SPRYD4: variants seen among roughly 807,000 people sequenced by gnomAD.
SPRYD4 encodes SPRY domain-containing protein 4.
SPRYD4 carries 12 observed loss-of-function variants against 16.6 expected under a neutral mutation model. That is an observed-to-expected ratio of 0.72 (90% CI 0.46 to 1.17). The LOEUF (loss-of-function observed/expected upper bound fraction) is 1.17, where lower values mean the gene tolerates loss of function less well. SPRYD4 is among the 50% of genes most tolerant of loss of function. The pLI is 0.00. For missense variants in SPRYD4, 260 were observed against 260.2 expected, an observed-to-expected ratio of 1.00 and a Z score of 0.00; for synonymous variants, 98 against 105.4, an observed-to-expected ratio of 0.93 and a Z score of 0.43.
chr12:56,479,040 C>T lies in SPRYD4; in HGVS notation c.*9463C>T. ...AGGTCCCTGACCCCTCCCTTAGTCCCCTGACTCTCACTTTGCCTCCAGTGA... is the reference window on the plus strand; with the variant it reads ...AGGTCCCTGACCCCTCCCTTAGTCCTCTGACTCTCACTTTGCCTCCAGTGA... On this transcript the variant is annotated 3_prime_UTR_variant, in exon 2 of 2. Coordinates refer to ENST00000338146, the MANE Select transcript of SPRYD4 (RefSeq NM_207344.4). 3 of 1,613,170 alleles carry T rather than the reference C, an allele frequency of 1.9e-6. No individual in the cohort carries two copies. The highest frequency in any genetic ancestry group is 2.5e-6 in the Non-Finnish European group (3 of 1,179,668).
Position 56,472,648 on chromosome 12 carries a change from C to A in SPRYD4, c.*3071C>A. 1 of 1,564,874 alleles carries A rather than the reference C, an allele frequency of 6.4e-7. No homozygotes were observed. Among genetic ancestry groups the A allele is most frequent in the East Asian group, 2.2e-5 (1 of 44,562 alleles). On this transcript the variant is annotated 3_prime_UTR_variant, in exon 2 of 2. Transcript: ENST00000338146. Reference sequence around the variant, plus strand: ...GCTGCCTCCTAGTAAAATCTCTGACCAGGAGTATTTTATTGTGTATATTTG... The same window carrying A: ...GCTGCCTCCTAGTAAAATCTCTGACAAGGAGTATTTTATTGTGTATATTTG...
At position 56,477,930 on chromosome 12, in the gene SPRYD4, C is replaced by T. The variant is rs1430483484; in HGVS notation, c.*8353C>T. 6.2e-7 allele frequency: 1 copy of T among 1,611,422 alleles called. No homozygotes were observed. The highest frequency in any genetic ancestry group is 1.3e-5 in the African/African-American group (1 of 74,928). ...GTACGGTCTGAGCCTTGGTAGTGCTCACCTTCCTCATTGAGGGAGAGCTTG... is the reference window on the plus strand; with the variant it reads ...GTACGGTCTGAGCCTTGGTAGTGCTTACCTTCCTCATTGAGGGAGAGCTTG... On this transcript the variant is annotated 3_prime_UTR_variant, in exon 2 of 2. Transcript: ENST00000338146.
chr12:56,473,670 T>C lies in SPRYD4; in HGVS notation c.*4093T>C. ...AAAATAAACAAGTTAGGCTGTACTC[T>C]TAACAAGTTTACAAATGACTGCATG... On this transcript the variant is annotated 3_prime_UTR_variant, in exon 2 of 2. Transcript: ENST00000338146. 6.6e-7 allele frequency: 1 copy of C among 1,506,974 alleles called. No homozygotes were observed. Among genetic ancestry groups the C allele is most frequent in the South Asian group, 1.4e-5 (1 of 72,744 alleles). The allele number at this position is 1,506,974 out of a possible 1,614,324, so 93.4% of individuals were successfully genotyped here.
At position 56,472,148 on chromosome 12, in the gene SPRYD4, C is replaced by T. The variant is rs372757263; in HGVS notation, c.*2571C>T. The T allele has an allele frequency of 1.4e-5, 22 of 1,614,122 alleles. No individual in the cohort carries two copies. In the African/African-American group the frequency reaches 2.0e-4, roughly 15 times the overall value. ...AGCTGCAGCAACATGCAGAGCTGTG[C>T]GCGAGTCATAGTCTTTCTGTTCCAT... On this transcript the variant is annotated 3_prime_UTR_variant, in exon 2 of 2. Coordinates refer to ENST00000338146, the MANE Select transcript of SPRYD4 (RefSeq NM_207344.4).
chr12:56,478,979 G>C lies in SPRYD4; in HGVS notation c.*9402G>C. 8.7e-6 allele frequency: 13 copies of C among 1,486,348 alleles called. No homozygotes were observed. The highest frequency in any genetic ancestry group is 1.2e-5 in the Non-Finnish European group (13 of 1,119,768). 92.1% of individuals were successfully genotyped at this position (1,486,348 alleles called of 1,614,324 possible). On this transcript the variant is annotated 3_prime_UTR_variant, in exon 2 of 2. Transcript: ENST00000338146. Reference sequence around the variant, plus strand: ...AGCCCGGGTGACAGAGCAAAACTCTGTCTCAGGAAAAAAAAAAAAAAAAAA... The same window carrying C: ...AGCCCGGGTGACAGAGCAAAACTCTCTCTCAGGAAAAAAAAAAAAAAAAAA...
rs768560437 is a variant in SPRYD4 at position 56,478,000 on chromosome 12, G to T, written c.*8423G>T. Reference sequence around the variant, plus strand: ...GCTCTTTGCCCACAAACTTGTGCACGTAGTCAGTGCCTAGGGTGCTTATGG... The same window carrying T: ...GCTCTTTGCCCACAAACTTGTGCACTTAGTCAGTGCCTAGGGTGCTTATGG... On this transcript the variant is annotated 3_prime_UTR_variant, in exon 2 of 2. Coordinates refer to ENST00000338146, the MANE Select transcript of SPRYD4 (RefSeq NM_207344.4). The T allele has an allele frequency of 2.5e-6, 4 of 1,614,232 alleles. No individual in the cohort carries two copies. In the Admixed American group the frequency reaches 6.7e-5, roughly 27 times the overall value.
At position 56,478,416 on chromosome 12, in the gene SPRYD4, C is replaced by T. The variant is rs947167382; in HGVS notation, c.*8839C>T. 16 of 722,238 alleles carry T rather than the reference C, an allele frequency of 2.2e-5. No individual in the cohort carries two copies. Among genetic ancestry groups the T allele is most frequent in the East Asian group, 1.1e-4 (4 of 36,650 alleles). The allele number at this position is 722,238 out of a possible 1,614,324, so 44.7% of individuals were successfully genotyped here. ...CCTGCCTGTTGCTCCCAGAAATGCC[C>T]GAGCCTTAAGTCCTAGAAGGCCATA... On this transcript the variant is annotated 3_prime_UTR_variant, in exon 2 of 2. Transcript: ENST00000338146.
Position 56,472,410 on chromosome 12 carries a change from C to T in SPRYD4, c.*2833C>T. ...ATGTGATCCTTCCAGAAATATCACT[C>T]ACTGCCTACCTGTGGTAAGTGCCCA... On this transcript the variant is annotated 3_prime_UTR_variant, in exon 2 of 2. Coordinates refer to ENST00000338146, the MANE Select transcript of SPRYD4 (RefSeq NM_207344.4). 1 of 606,802 alleles carries T rather than the reference C, an allele frequency of 1.6e-6. No individual in the cohort carries two copies. The highest frequency in any genetic ancestry group is 2.9e-6 in the Non-Finnish European group (1 of 344,276). The allele number at this position is 606,802 out of a possible 1,614,324, so 37.6% of individuals were successfully genotyped here.
chr12:56,474,701 G>C lies in SPRYD4; in HGVS notation c.*5124G>C. ...TGCCATGACACTGCCTGATTCACAA[G>C]TGACCTCCACAGAACACAGCTATGA... is the stretch of plus-strand genomic sequence containing the variant. On this transcript the variant is annotated 3_prime_UTR_variant, in exon 2 of 2. Transcript: ENST00000338146. The C allele has an allele frequency of 6.2e-7, 1 of 1,611,704 alleles. No individual in the cohort carries two copies. Among genetic ancestry groups the C allele is most frequent in the Non-Finnish European group, 8.5e-7 (1 of 1,178,432 alleles).
In SPRYD4 at chr12:56,475,524, T is replaced by A. The variant is rs906658350; in HGVS notation, c.*5947T>A. 156 of 1,254,982 alleles carry A rather than the reference T, an allele frequency of 1.2e-4. No homozygotes were observed. Among genetic ancestry groups the A allele is most frequent in the Non-Finnish European group, 1.6e-4 (142 of 881,512 alleles). 77.7% of individuals were successfully genotyped at this position (1,254,982 alleles called of 1,614,324 possible). A position where few individuals can be genotyped will look rare whatever the true frequency, so the allele number is the denominator to read the frequency against. On this transcript the variant is annotated 3_prime_UTR_variant, in exon 2 of 2. Coordinates refer to ENST00000338146, the MANE Select transcript of SPRYD4 (RefSeq NM_207344.4). ...GGGCCAAAGTTCCCCTGGGATTTCT[T>A]CCTCCTAAGATTCTCTCTCCCCCAT...
chr12:56,475,861 G>C lies in SPRYD4; in HGVS notation c.*6284G>C. On this transcript the variant is annotated 3_prime_UTR_variant, in exon 2 of 2. Transcript: ENST00000338146. ...GTATGGGCTGGTGCACCTGGTAGTGGGGTTAGAGAGCCACTGGGGCAGCTG... is the reference window on the plus strand; with the variant it reads ...GTATGGGCTGGTGCACCTGGTAGTGCGGTTAGAGAGCCACTGGGGCAGCTG... 1 of 1,483,214 alleles carries C rather than the reference G, an allele frequency of 6.7e-7. No homozygotes were observed. The highest frequency in any genetic ancestry group is 9.4e-7 in the Non-Finnish European group (1 of 1,061,698). The allele number at this position is 1,483,214 out of a possible 1,614,324, so 91.9% of individuals were successfully genotyped here. A position where few individuals can be genotyped will look rare whatever the true frequency, so the allele number is the denominator to read the frequency against.
chr12:56,473,626 T>G lies in SPRYD4; in HGVS notation c.*4049T>G, dbSNP rs1166997521. ...AACAGAACTGAAGCTGAGGATAAAG[T>G]GGGTGTGCCCCAAATCAGAAAATAA... is the stretch of plus-strand genomic sequence containing the variant. On this transcript the variant is annotated 3_prime_UTR_variant, in exon 2 of 2. Coordinates refer to ENST00000338146, the MANE Select transcript of SPRYD4 (RefSeq NM_207344.4). 5.0e-6 allele frequency: 8 copies of G among 1,588,392 alleles called. No homozygotes were observed. The highest frequency in any genetic ancestry group is 6.9e-6 in the Non-Finnish European group (8 of 1,165,916).
rs1869931096 is a variant in SPRYD4 at position 56,477,557 on chromosome 12, CAG to C, written c.*7983_*7984del. On this transcript the variant is annotated 3_prime_UTR_variant, in exon 2 of 2. Transcript: ENST00000338146. ...GCCTTCTGGGGACCCTCAAAGGAAT[CAG>C]AGCCCCACCAGTCTCCCTGGAGAGC... is the stretch of plus-strand genomic sequence containing the variant. The C allele has an allele frequency of 8.3e-7, 1 of 1,209,552 alleles. No homozygotes were observed. Among genetic ancestry groups the C allele is most frequent in the Non-Finnish European group, 1.2e-6 (1 of 849,626 alleles). 74.9% of individuals were successfully genotyped at this position (1,209,552 alleles called of 1,614,324 possible).
Position 56,469,423 on chromosome 12 carries a change from A to G in SPRYD4, c.470A>G (p.Tyr157Cys). 1 of 1,613,962 alleles carries G rather than the reference A, an allele frequency of 6.2e-7. No homozygotes were observed. The highest frequency in any genetic ancestry group is 8.5e-7 in the Non-Finnish European group (1 of 1,179,962). Residue 157 changes from tyrosine (Y) to cysteine (C), a missense_variant, in exon 2 of 2, where the codon TAT becomes TGT. Transcript: ENST00000338146. Reference protein sequence around the residue: ...QPEKVGLLLEYEAQKLSLVDV... With the variant: ...QPEKVGLLLECEAQKLSLVDV... ...GAGAAGGTGGGGCTGTTGCTGGAGTATGAGGCCCAGAAGCTGAGCCTGGTG... is the reference window on the plus strand; with the variant it reads ...GAGAAGGTGGGGCTGTTGCTGGAGTGTGAGGCCCAGAAGCTGAGCCTGGTG...
chr12:56,468,973 T>G (rs1869111594), intron 1 of SPRYD4, 66 bp from the exon 2 acceptor site: 1 of 1,503,516 alleles, frequency 6.7e-7, no homozygotes, highest in Non-Finnish European at 8.9e-7. Context: ...GCCTCATATC[T>G]GAATATATCA....
chr12:56,477,821 G>C lies in SPRYD4; in HGVS notation c.*8244G>C. 1 of 1,534,518 alleles carries C rather than the reference G, an allele frequency of 6.5e-7. No individual in the cohort carries two copies. Among genetic ancestry groups the C allele is most frequent in the Non-Finnish European group, 8.9e-7 (1 of 1,126,932 alleles). Reference sequence around the variant, plus strand: ...ACAAGAAAGACTGCTAGGGAGAAAGGCATGACAGGGCTAATCAGGAAGGGC... The same window carrying C: ...ACAAGAAAGACTGCTAGGGAGAAAGCCATGACAGGGCTAATCAGGAAGGGC... On this transcript the variant is annotated 3_prime_UTR_variant, in exon 2 of 2. Transcript: ENST00000338146.
Position 56,474,983 on chromosome 12 carries a change from A to G in SPRYD4, c.*5406A>G. 1.9e-6 allele frequency: 3 copies of G among 1,613,678 alleles called. No homozygotes were observed. The highest frequency in any genetic ancestry group is 4.5e-5 in the East Asian group (2 of 44,870). Reference sequence around the variant, plus strand: ...GTCTCAGCTGAAGCCCCCAACCCCTACTGCCCTTCCACTAGCAGCAGAATT... The same window carrying G: ...GTCTCAGCTGAAGCCCCCAACCCCTGCTGCCCTTCCACTAGCAGCAGAATT... On this transcript the variant is annotated 3_prime_UTR_variant, in exon 2 of 2. Coordinates refer to ENST00000338146, the MANE Select transcript of SPRYD4 (RefSeq NM_207344.4).
At position 56,470,813 on chromosome 12, in the gene SPRYD4, G is replaced by A. The variant is rs1869202898; in HGVS notation, c.*1236G>A. On this transcript the variant is annotated 3_prime_UTR_variant, in exon 2 of 2. Transcript: ENST00000338146. ...TTGGAGTTGAGAAAAACCTGGTGGG[G>A]TAAGTGAATATGTACTGTTTGGTAG... 6.6e-6 allele frequency: 1 copy of A among 152,234 alleles called. No individual in the cohort carries two copies. The highest frequency in any genetic ancestry group is 1.5e-5 in the Non-Finnish European group (1 of 68,110). 9.4% of individuals were successfully genotyped at this position (152,234 alleles called of 1,614,324 possible). A position where few individuals can be genotyped will look rare whatever the true frequency, so the allele number is the denominator to read the frequency against.
Position 56,477,310 on chromosome 12 carries a change from A to G in SPRYD4, c.*7733A>G. On this transcript the variant is annotated 3_prime_UTR_variant, in exon 2 of 2. Coordinates refer to ENST00000338146, the MANE Select transcript of SPRYD4 (RefSeq NM_207344.4). ...AGGTGTCCCACACCCAGAAGTGGCC[A>G]ATCAGTGCCCAATAGTGCTGTCCTC... 1 of 182,798 alleles carries G rather than the reference A, an allele frequency of 5.5e-6. No individual in the cohort carries two copies. Among genetic ancestry groups the G allele is most frequent in the Non-Finnish European group, 1.1e-5 (1 of 88,194 alleles). The allele number at this position is 182,798 out of a possible 1,614,324, so 11.3% of individuals were successfully genotyped here.
Sources: allele counts gnomAD v4.1 joint callset, GRCh38; gene constraint gnomAD v4.1.1; transcripts MANE v1.5; gene names NCBI Gene and HGNC (gene_info 2026-07-23, HGNC 2026-07-21).